Variants in MAGI2 observed in about 807,000 individuals in gnomAD.
MAGI2 encodes membrane-associated guanylate kinase, WW and PDZ domain-containing protein 2.
In MAGI2, 35 loss-of-function variants were observed where a neutral mutation model predicts 133.3. That is an observed-to-expected ratio of 0.26 (90% CI 0.20 to 0.35). The LOEUF is 0.35. MAGI2 is among the 10% of genes least tolerant of loss of function. The pLI is 1.00. For missense variants in MAGI2, 1,636 were observed against 1,863.4 expected (o/e 0.88, Z 2.25); for synonymous variants, 729 against 710.6 (o/e 1.03, Z -0.41).
chr7:78,946,289 T>G (rs1309830155), intron 2 of MAGI2, among the ~76,000 whole-genome samples: 1 of 152,192 alleles, frequency 6.6e-6, no homozygotes, highest in African/African-American at 2.4e-5. Flanking sequence ...TCTTTCTTCC[T>G]AGATAGTTAA....
chr7:78,811,602 A>C (rs1341934714), intron 2 of MAGI2, among the ~76,000 whole-genome samples: 1 of 152,226 alleles, frequency 6.6e-6, no homozygotes. Context: ...CATTTTCCGC[A>C]CATAAGGTGT....
At chr7:78,416,294 C>T (rs1798295003) in intron 6 of MAGI2, among the ~76,000 whole-genome samples, 1 of 151,884 alleles carries the variant, frequency 6.6e-6, no homozygotes, top group South Asian at 2.1e-4. Context: ...ATATGGCAAG[C>T]TAGGGCTGAG....
chr7:78,373,729 T>C (rs1357024257), intron 6 of MAGI2, among the ~76,000 whole-genome samples: 1 of 152,124 alleles, frequency 6.6e-6, no homozygotes, highest in Admixed American at 6.6e-5. Flanking sequence ...AGAGCAGTTT[T>C]TCAACTCTTT....
intron 1 of MAGI2, among the ~76,000 whole-genome samples, chr7:79,251,983 C>G (rs1169100161): frequency 2.0e-5 from 3 of 151,702 alleles, no homozygotes; most frequent in African/African-American, 7.3e-5. Flanking sequence ...TTGGCAAAAC[C>G]TCATCTTTAC....
chr7:78,130,136 T>C (rs1044284296), intron 18 of MAGI2, among the ~76,000 whole-genome samples: 1 of 152,112 alleles, frequency 6.6e-6, no homozygotes, highest in Non-Finnish European at 1.5e-5. Context: ...AGCTCTTCTG[T>C]TGTTTTCAAC....
intron 21 of MAGI2, among the ~76,000 whole-genome samples, chr7:78,070,126 C>CACATAT (rs3084738): frequency 4.4e-5 from 6 of 136,252 alleles, no homozygotes; most frequent in Non-Finnish European, 6.2e-5. Context: ...CACACACACA[C>CACATAT]ATATATGTGT....
chr7:78,340,693 C>G (rs138034263), intron 9 of MAGI2, among the ~76,000 whole-genome samples: 33 of 152,256 alleles, frequency 2.2e-4, no homozygotes, highest in African/African-American at 7.9e-4. Context: ...TAAGCAGAAT[C>G]AATGACAAAA....
chr7:79,180,204 T>C (rs1237764372), intron 1 of MAGI2, among the ~76,000 whole-genome samples: 1 of 151,950 alleles, frequency 6.6e-6, no homozygotes, highest in East Asian at 1.9e-4. Flanking sequence ...AAATCAAAAC[T>C]GAGATATCAT....
At chr7:78,749,334 G>C (rs1366332703) in intron 2 of MAGI2, among the ~76,000 whole-genome samples, 2 of 152,112 alleles carry the variant, frequency 1.3e-5, no homozygotes, top group Non-Finnish European at 2.9e-5. Flanking sequence ...ATATTAAAGA[G>C]ACCATAACAG....
intron 1 of MAGI2, among the ~76,000 whole-genome samples, chr7:79,360,439 G>A (rs1178101927): frequency 6.6e-6 from 1 of 151,954 alleles, no homozygotes; most frequent in African/African-American, 2.4e-5. Context: ...CAAAAAGGAA[G>A]AAGGAACAAC....
In MAGI2 at chr7:78,452,088, G is replaced by A. The variant is rs151085974; in HGVS notation, c.1045+37673C>T. 2.9e-4 allele frequency among the ~76,000 whole-genome samples: 44 copies of A among 152,050 alleles called. 2 individuals carry two copies. Among genetic ancestry groups the A allele is most frequent in the Middle Eastern group, 6.8e-3 (2 of 294 alleles). ...TATGATGTTGATGATAGAAACTAAC[G>A]TTGCTTGGGCCAGGCACTTTACTGA... On this transcript the variant is annotated intron_variant, in intron 6 of 21. Coordinates refer to ENST00000354212, the MANE Select transcript of MAGI2 (RefSeq NM_012301.4).
intron 6 of MAGI2, among the ~76,000 whole-genome samples, chr7:78,370,390 T>C (rs1793799518): frequency 6.6e-6 from 1 of 152,004 alleles, no homozygotes; most frequent in South Asian, 2.1e-4. Context: ...GCAGCACAGC[T>C]AGAAGCTGTG....
rs147536027 is a variant in MAGI2 at position 78,400,902 on chromosome 7, C to G, written c.1046-31689G>C. On this transcript the variant is annotated intron_variant, in intron 6 of 21. Transcript: ENST00000354212. ...TCCTGCTGCTTAATATGATGTCAGTCAGTTCTGAGAACCTTATCTTTCTCG... is the reference window on the plus strand; with the variant it reads ...TCCTGCTGCTTAATATGATGTCAGTGAGTTCTGAGAACCTTATCTTTCTCG... Among the ~76,000 whole-genome samples the G allele has an allele frequency of 1.5e-3, 232 of 152,168 alleles. 2 individuals carry two copies. The highest frequency in any genetic ancestry group is 9.6e-4 in the East Asian group (5 of 5,184).
chr7:78,253,767 A>G (rs1792675621), intron 10 of MAGI2: 1 of 152,208 alleles, frequency 6.6e-6, no homozygotes, highest in Admixed American at 6.5e-5. Flanking sequence ...TTATTACTTT[A>G]TAAATTAAAA....
intron 1 of MAGI2, among the ~76,000 whole-genome samples, chr7:79,209,028 G>C (rs1381669158): frequency 6.6e-6 from 1 of 151,822 alleles, no homozygotes; most frequent in South Asian, 2.1e-4. Flanking sequence ...GGTGGTCGTC[G>C]GGGCAGGGGG....
chr7:78,659,729 G>T (rs778740251), intron 2 of MAGI2, among the ~76,000 whole-genome samples: 67 of 152,042 alleles, frequency 4.4e-4, no homozygotes, highest in Non-Finnish European at 8.5e-4. Context: ...CTCTGCCAAG[G>T]TCAATATCTT....
intron 7 of MAGI2, among the ~76,000 whole-genome samples, chr7:78,363,495 A>AAATAATAATAATAATGAT (rs1554367011): frequency 2.4e-4 from 29 of 122,360 alleles, no homozygotes; most frequent in Admixed American, 1.2e-3. Context: ...TCCATCTCGA[A>AAATAATAATAATAATGAT]AATAATAATA....
intron 2 of MAGI2, chr7:78,941,004 TTA>T (rs1800921405): frequency 6.6e-6 from 1 of 152,218 alleles, no homozygotes; most frequent in African/African-American, 2.4e-5. Context: ...CGCTTTCATA[TTA>T]CAAGGAAATT....
intron 1 of MAGI2, among the ~76,000 whole-genome samples, chr7:79,308,994 G>A (rs926124201): frequency 6.6e-6 from 1 of 151,924 alleles, no homozygotes; most frequent in Non-Finnish European, 1.5e-5. Context: ...CACTGACAAA[G>A]AAAAATAAAG....
Sources: allele counts gnomAD v4.1 joint callset (sites outside exome capture counted in the v4.1 genomes callset), GRCh38; gene constraint gnomAD v4.1.1; transcripts MANE v1.5; gene names NCBI Gene and HGNC (gene_info 2026-07-23, HGNC 2026-07-21).